Variants in COX6B1 observed in about 807,000 individuals in gnomAD.
COX6B1 encodes the protein cytochrome c oxidase subunit 6B1, also known as COX VIb-1.
COX6B1 carries 2 observed loss-of-function variants against 14.0 expected under a neutral mutation model. The ratio of observed to expected loss-of-function variants is 0.14; its 90% CI spans 0.06 to 0.45. The LOEUF is 0.45. Among genes scored for constraint, COX6B1 ranks in the 20% least tolerant of loss-of-function variants. COX6B1 has a pLI of 0.98. For missense variants in COX6B1, 81 were observed against 114.2 expected, an observed-to-expected ratio of 0.71 and a Z score of 1.33; for synonymous variants, 30 against 39.7, an observed-to-expected ratio of 0.76 and a Z score of 0.92.
Position 35,650,395 on chromosome 19 carries a change from C to A in COX6B1, c.-11-838C>A, listed in dbSNP as rs183680898. Among the ~76,000 whole-genome samples, 61 of 152,246 alleles carry A rather than the reference C, an allele frequency of 4.0e-4. No individual in the cohort carries two copies. The East Asian group carries it at 0.012, about 29-fold the overall frequency. On this transcript the variant is annotated intron_variant, in intron 1 of 3. Coordinates refer to ENST00000649813, the MANE Select transcript of COX6B1 (RefSeq NM_001863.5). Reference sequence around the variant, plus strand: ...TTTTTCACTTCATGTACTCATGGAGCCTATGCAATTTTTAAATACATTTAA... The same window carrying A: ...TTTTTCACTTCATGTACTCATGGAGACTATGCAATTTTTAAATACATTTAA...
chr19:35,649,517 C>T (rs1244277209), intron 1 of COX6B1, among the ~76,000 whole-genome samples: 2 of 149,598 alleles, frequency 1.3e-5, no homozygotes, highest in African/African-American at 5.0e-5. Flanking sequence ...CTTGCTGTAT[C>T]GCCCAGGCTG....
At chr19:35,654,298 A>C (rs1176639146) in intron 2 of COX6B1, among the ~76,000 whole-genome samples, 1 of 152,188 alleles carries the variant, frequency 6.6e-6, no homozygotes, top group Non-Finnish European at 1.5e-5. Flanking sequence ...CGAGGTGGGC[A>C]GATCAAGACC....
At chr19:35,658,148 A>G (rs1425120445) in intron 3 of COX6B1, among the ~76,000 whole-genome samples, 1 of 152,078 alleles carries the variant, frequency 6.6e-6, no homozygotes, top group Non-Finnish European at 1.5e-5. Flanking sequence ...TGCACTGTGT[A>G]TTGTTTGGCA....
At chr19:35,658,334 C>T (rs1599624247) in intron 3 of COX6B1, among the ~76,000 whole-genome samples, 2 of 152,104 alleles carry the variant, frequency 1.3e-5, no homozygotes, top group South Asian at 4.1e-4. Context: ...TGTACAGTGA[C>T]ACATCTCCCC....
At chr19:35,652,947 C>G (rs186387490) in intron 2 of COX6B1, among the ~76,000 whole-genome samples, 2 of 148,546 alleles carry the variant, frequency 1.3e-5, no homozygotes, top group African/African-American at 5.0e-5. Context: ...TACAGGCGCT[C>G]GCCACCACAC....
chr19:35,650,197 T>C (rs985171828), intron 1 of COX6B1, among the ~76,000 whole-genome samples: 2 of 151,452 alleles, frequency 1.3e-5, no homozygotes, highest in Admixed American at 1.3e-4. Flanking sequence ...AGAGCCAGGG[T>C]TTCACCATGT....
intron 1 of COX6B1, among the ~76,000 whole-genome samples, chr19:35,649,565 G>A (rs1037467311): frequency 2.7e-5 from 4 of 150,146 alleles, no homozygotes; most frequent in East Asian, 2.0e-4. Context: ...TGCAACCTCC[G>A]CCTCTTGGGT....
At chr19:35,655,539 G>A (rs530797790) in intron 3 of COX6B1, among the ~76,000 whole-genome samples, 1 of 151,752 alleles carries the variant, frequency 6.6e-6, no homozygotes, top group Non-Finnish European at 1.5e-5. Flanking sequence ...TAATGACACA[G>A]TAAGACAGTC....
chr19:35,649,598 C>A (rs889959611), intron 1 of COX6B1, among the ~76,000 whole-genome samples: 6 of 151,906 alleles, frequency 3.9e-5, no homozygotes, highest in Admixed American at 6.6e-5. Context: ...CCTGCCCCAG[C>A]CTCCCTGGTA....
intron 1 of COX6B1, chr19:35,648,764 T>G (rs1967788933): frequency 2.0e-6 from 1 of 505,132 alleles, no homozygotes; most frequent in African/African-American, 1.9e-5. Flanking sequence ...TCATGGCTAA[T>G]TCACAGGCGT....
Position 35,658,643 on chromosome 19 carries a change from T to C in COX6B1, c.257T>C (p.Ile86Thr). Residue 86 changes from isoleucine (I) to threonine (T), a missense_variant, in exon 4 of 4, where the codon ATC becomes ACC. Ile to Thr is a moderately conservative substitution (Grantham distance 89, BLOSUM62 -1). Coordinates refer to ENST00000649813, the MANE Select transcript of COX6B1 (RefSeq NM_001863.5). ...GCTGAAGGCACGTTTCCCGGGAAGA[T>C]CTGAACTGGCTGCATCTCCCTTTCC... The part of the protein sequence containing the change: ...QRAEGTFPGK[I>T] 2 of 1,613,972 alleles carry C rather than the reference T, an allele frequency of 1.2e-6. No homozygotes were observed. The highest frequency in any genetic ancestry group is 1.7e-6 in the Non-Finnish European group (2 of 1,179,900).
intron 1 of COX6B1, chr19:35,648,849 G>T (rs748901550): frequency 1.9e-6 from 1 of 533,360 alleles, no homozygotes; most frequent in African/African-American, 1.9e-5. Context: ...GACGTTGGAG[G>T]GGCCGCAGCG....
intron 3 of COX6B1, among the ~76,000 whole-genome samples, chr19:35,656,021 G>C (rs1967885556): frequency 6.6e-6 from 1 of 152,090 alleles, no homozygotes; most frequent in Non-Finnish European, 1.5e-5. Context: ...TAGAAATGGG[G>C]TTTCGCCTTG....
chr19:35,658,525 G>T, intron 3 of COX6B1, 69 bp from the exon 4 acceptor site: 1 of 1,415,946 alleles, frequency 7.1e-7, no homozygotes, highest in Non-Finnish European at 1.0e-6. Context: ...GGTGGGCAAA[G>T]TGAGGAAGAT....
At chr19:35,652,770 T>C (rs147444710) in intron 2 of COX6B1, among the ~76,000 whole-genome samples, 258 of 151,752 alleles carry the variant, frequency 1.7e-3, no homozygotes, top group African/African-American at 6.1e-3. Flanking sequence ...TTTACCACCA[T>C]GTTTATTATT....
chr19:35,658,681 C>T lies in COX6B1; in HGVS notation c.*34C>T. On this transcript the variant is annotated 3_prime_UTR_variant, in exon 4 of 4. Transcript: ENST00000649813. ...CATCTCCCTTTCCTCTGTCCTCCATCCTTCTCCCAGGATGGTGAAGGGGGA... is the reference window on the plus strand; with the variant it reads ...CATCTCCCTTTCCTCTGTCCTCCATTCTTCTCCCAGGATGGTGAAGGGGGA... 6.2e-7 allele frequency: 1 copy of T among 1,606,300 alleles called. No individual in the cohort carries two copies. The highest frequency in any genetic ancestry group is 1.3e-5 in the African/African-American group (1 of 74,854).
chr19:35,655,265 T>C (rs993272833), intron 3 of COX6B1, among the ~76,000 whole-genome samples: 2 of 152,198 alleles, frequency 1.3e-5, no homozygotes, highest in African/African-American at 4.8e-5. Flanking sequence ...CCTGACTTCA[T>C]GGTCCACCTG....
In COX6B1 at chr19:35,654,225, T is replaced by C. The variant is rs1214719357; in HGVS notation, c.107-346T>C. Among the ~76,000 whole-genome samples the C allele has an allele frequency of 2.0e-5, 3 of 152,342 alleles. No homozygotes were observed. The East Asian group carries it at 5.8e-4, about 29-fold the overall frequency. On this transcript the variant is annotated intron_variant, in intron 2 of 3. Coordinates refer to ENST00000649813, the MANE Select transcript of COX6B1 (RefSeq NM_001863.5). ...TACAAATGGTGTGGCTGTAAACATCTTTATAAATGTAATTTTGCTGGGTGC... is the reference window on the plus strand; with the variant it reads ...TACAAATGGTGTGGCTGTAAACATCCTTATAAATGTAATTTTGCTGGGTGC...
intron 3 of COX6B1, 119 bp downstream of exon 3, chr19:35,654,790 TC>T: frequency 1.2e-6 from 1 of 818,882 alleles, no homozygotes; most frequent in Admixed American, 2.4e-5. Context: ...CACCACACTG[TC>T]CCAGGACTCA....
Sources: gnomAD v4.1 joint callset for allele counts (sites outside exome capture counted in the v4.1 genomes callset) on GRCh38, gnomAD v4.1.1 for gene constraint, MANE v1.5 for transcripts, NCBI Gene and HGNC (gene_info 2026-07-23, HGNC 2026-07-21) for gene names.